TNIK: variants seen among roughly 807,000 people sequenced by gnomAD.
The protein encoded by TNIK is TRAF2 and NCK interacting kinase.
A neutral mutation model predicts 191.3 loss-of-function variants in TNIK; 49 were observed. That is an observed-to-expected ratio of 0.26 (90% confidence interval 0.20 to 0.32). The LOEUF (loss-of-function observed/expected upper bound fraction) is 0.32. Among genes scored for constraint, TNIK ranks in the 10% least tolerant of loss-of-function variants. The pLI is 1.00. For synonymous variants in TNIK, 594 were observed against 600.9 expected (o/e 0.99, Z 0.17); for missense variants, 1,155 against 1,702.3 (o/e 0.68, Z 5.66).
intron 28 of TNIK, among the ~76,000 whole-genome samples, chr3:171,075,501 G>A (rs1264866298): frequency 6.6e-6 from 1 of 152,186 alleles, no homozygotes; most frequent in Admixed American, 6.5e-5. Flanking sequence ...AAAATGTACA[G>A]TGGAGCAAAT....
chr3:171,161,085 C>T (rs529307551), intron 11 of TNIK, among the ~76,000 whole-genome samples, 185 bp downstream of exon 11: 14 of 152,306 alleles, frequency 9.2e-5, no homozygotes, highest in African/African-American at 3.4e-4. Context: ...CTGATTTCCA[C>T]ATTTTCGTAA....
intron 12 of TNIK, among the ~76,000 whole-genome samples, chr3:171,150,779 A>G (rs1448982502): frequency 2.6e-5 from 4 of 152,198 alleles, no homozygotes; most frequent in African/African-American, 9.6e-5. Flanking sequence ...AGGCTAACTC[A>G]CCAGCAGATA....
chr3:171,194,866 A>G (rs1246302663), intron 4 of TNIK, among the ~76,000 whole-genome samples: 1 of 152,236 alleles, frequency 6.6e-6, no homozygotes, highest in African/African-American at 2.4e-5. Context: ...TTGAAAATTG[A>G]GGAAACTCTC....
intron 22 of TNIK, among the ~76,000 whole-genome samples, chr3:171,094,742 A>G (rs1390875336): frequency 2.6e-5 from 4 of 152,158 alleles, no homozygotes. Flanking sequence ...GCTTTCTGTG[A>G]GAAGTCTGCT....
At chr3:171,103,207 T>C (rs1723902144) in intron 21 of TNIK, among the ~76,000 whole-genome samples, 1 of 151,988 alleles carries the variant, frequency 6.6e-6, no homozygotes, top group Admixed American at 6.6e-5. Context: ...CATTTGCACA[T>C]TTGCACATGC....
chr3:171,138,101 C>CA, intron 15 of TNIK, 90 bp downstream of exon 15: 1 of 1,242,816 alleles, frequency 8.0e-7, no homozygotes, highest in Non-Finnish European at 1.0e-6. Flanking sequence ...TCCAACTTTG[C>CA]AGCACTGGGT....
chr3:171,091,436 C>T (rs1243444159), intron 23 of TNIK, among the ~76,000 whole-genome samples: 1 of 152,166 alleles, frequency 6.6e-6, no homozygotes, highest in African/African-American at 2.4e-5. Flanking sequence ...ATATGAGCTA[C>T]ATCCTCATAA....
rs60887361 is a variant in TNIK, at chr3:171,365,161, C to CTTTTTTTTTTTTTTTTTTT, written c.123+4440_123+4458dup. Among the ~76,000 whole-genome samples, 55 of 31,932 alleles carry CTTTTTTTTTTTTTTTTTTT rather than the reference C, an allele frequency of 1.7e-3. 16 individuals are homozygous for CTTTTTTTTTTTTTTTTTTT. Among genetic ancestry groups the CTTTTTTTTTTTTTTTTTTT allele is most frequent in the Non-Finnish European group, 2.8e-3 (43 of 15,444 alleles). 20.9% of individuals were successfully genotyped at this position (31,932 alleles called of 152,430 possible). ...AAGGACTACACAAAAGGACTACATT[C>CTTTTTTTTTTTTTTTTTTT]TTTTTTTTTTTTTTTTTTTTTTTTT... On this transcript the variant is annotated intron_variant, in intron 2 of 32. Transcript: ENST00000436636.
chr3:171,193,030 GT>G (rs1738250351), intron 5 of TNIK, among the ~76,000 whole-genome samples: 1 of 152,108 alleles, frequency 6.6e-6, no homozygotes, highest in Non-Finnish European at 1.5e-5. Context: ...CAGGTGTCAG[GT>G]TTCATGTTTT....
At chr3:171,290,052 G>A (rs1751508209) in intron 2 of TNIK, among the ~76,000 whole-genome samples, 1 of 152,146 alleles carries the variant, frequency 6.6e-6, no homozygotes, top group Admixed American at 6.5e-5. Context: ...TTTGATGAAT[G>A]GTACTAGATT....
At chr3:171,194,888 TA>T (rs1412538377) in intron 4 of TNIK, among the ~76,000 whole-genome samples, 1 of 152,150 alleles carries the variant, frequency 6.6e-6, no homozygotes, top group African/African-American at 2.4e-5. Flanking sequence ...ATATTCTAAG[TA>T]TTTTTTTTTA....
rs150988099 is a variant in TNIK, at chr3:171,218,382, A to G, written c.181-7141T>C. 1.4e-3 allele frequency among the ~76,000 whole-genome samples: 211 copies of G among 152,256 alleles called. 4 individuals are homozygous for G. In the East Asian group the frequency reaches 0.036, roughly 26 times the overall value. ...GAAAACCACGAATTAACAAGACCCAAACTCAAGTAACCCAGAAGTAAACAA... is the reference window on the plus strand; with the variant it reads ...GAAAACCACGAATTAACAAGACCCAGACTCAAGTAACCCAGAAGTAAACAA... On this transcript the variant is annotated intron_variant, in intron 3 of 32. Transcript: ENST00000436636.
At chr3:171,291,184 T>A (rs1406444753) in intron 2 of TNIK, among the ~76,000 whole-genome samples, 3 of 152,246 alleles carry the variant, frequency 2.0e-5, no homozygotes, top group Non-Finnish European at 2.9e-5. Context: ...TACTTTATGC[T>A]ATGGCTGTCA....
At chr3:171,139,376 G>GCA (rs1271020696) in intron 14 of TNIK, 94 bp downstream of exon 14, 74 of 532,008 alleles carry the variant, frequency 1.4e-4, no homozygotes, top group South Asian at 1.7e-4. Context: ...ACACGCACGC[G>GCA]CGCACACACA....
intron 1 of TNIK, among the ~76,000 whole-genome samples, chr3:171,442,458 A>G (rs1379260720): frequency 1.3e-5 from 2 of 152,210 alleles, no homozygotes; most frequent in Non-Finnish European, 2.9e-5. Context: ...GAGATCACAG[A>G]GGGACACCCA....
intron 28 of TNIK, among the ~76,000 whole-genome samples, chr3:171,072,381 C>T (rs1459028692): frequency 6.6e-6 from 1 of 152,082 alleles, no homozygotes; most frequent in Non-Finnish European, 1.5e-5. Context: ...CTGATCTCTT[C>T]ATCTGAAACC....
chr3:171,210,851 G>GGAA (rs1560267615), intron 4 of TNIK, among the ~76,000 whole-genome samples: 2 of 131,426 alleles, frequency 1.5e-5, no homozygotes, highest in Non-Finnish European at 1.6e-5. Flanking sequence ...GTCAATTAGT[G>GGAA]AAAAAAAAAA....
intron 8 of TNIK, among the ~76,000 whole-genome samples, chr3:171,176,828 A>G (rs1736017860): frequency 6.6e-6 from 1 of 152,248 alleles, no homozygotes; most frequent in Admixed American, 6.5e-5. Flanking sequence ...ATCTCAAGGA[A>G]CTGAGATTCT....
At chr3:171,128,357 T>C (rs1023613272) in intron 16 of TNIK, among the ~76,000 whole-genome samples, 4 of 152,206 alleles carry the variant, frequency 2.6e-5, no homozygotes, top group African/African-American at 9.6e-5. Flanking sequence ...AAACAAAAAA[T>C]ATATAATGCA....
Sources: gnomAD v4.1 joint callset for allele counts (sites outside exome capture counted in the v4.1 genomes callset) on GRCh38, gnomAD v4.1.1 for gene constraint, MANE v1.5 for transcripts, NCBI Gene and HGNC (gene_info 2026-07-23, HGNC 2026-07-21) for gene names.